Variants in VEGFB observed in about 807,000 individuals in gnomAD.
The protein encoded by VEGFB is VEGF-related factor.
In VEGFB, 24 loss-of-function variants were observed where a neutral mutation model predicts 22.5. The observed-to-expected ratio is 1.07, with a 90% CI of 0.77 to 1.50. VEGFB has a LOEUF of 1.50. VEGFB is among the 40% of genes most tolerant of loss of function. The pLI, the probability that VEGFB is intolerant of heterozygous loss-of-function variation, is 0.00. For missense variants in VEGFB, 327 were observed against 287.8 expected (o/e 1.14, Z -0.99); for synonymous variants, 141 against 117.4 (o/e 1.20, Z -1.30).
Position 64,238,360 on chromosome 11 carries a change from CG to C in VEGFB, c.*29del. 2 of 1,536,154 alleles carry C rather than the reference CG, an allele frequency of 1.3e-6. No individual in the cohort carries two copies. The highest frequency in any genetic ancestry group is 4.9e-5 in the East Asian group (2 of 41,050). ...GATCACTTCCTCCCTCCTCAGGTGC[CG>C]GAAGCTGCGAAGGTGACACATGGCT... On this transcript the variant is annotated 3_prime_UTR_variant, in exon 7 of 7. Coordinates refer to ENST00000309422, the MANE Select transcript of VEGFB (RefSeq NM_003377.5).
At chr11:64,236,363 C>T in intron 4 of VEGFB, 36 bp downstream of exon 4, 2 of 1,604,232 alleles carry the variant, frequency 1.2e-6, no homozygotes, top group South Asian at 2.2e-5. Context: ...CTCGCAGAGG[C>T]CAGGCTTGGG....
chr11:64,238,146 T>G (rs1407164695), intron 6 of VEGFB, among the ~76,000 whole-genome samples: 1 of 152,144 alleles, frequency 6.6e-6, no homozygotes, highest in African/African-American at 2.4e-5. Flanking sequence ...TGAAATCATA[T>G]GGGCAGGGCC....
Position 64,238,598 on chromosome 11 carries a change from G to A in VEGFB, c.*265G>A. ...AGTTGGAAGAGGAGACTGGGAGGCA[G>A]CAAGAGGGGTCACATACCAGCTCAG... is the stretch of plus-strand genomic sequence containing the variant. On this transcript the variant is annotated 3_prime_UTR_variant, in exon 7 of 7. Transcript: ENST00000309422. 1.6e-6 allele frequency: 1 copy of A among 609,166 alleles called. No homozygotes were observed. Among genetic ancestry groups the A allele is most frequent in the Non-Finnish European group, 2.9e-6 (1 of 345,174 alleles). 37.7% of individuals were successfully genotyped at this position (609,166 alleles called of 1,614,324 possible). A position where few individuals can be genotyped will look rare whatever the true frequency, so the allele number is the denominator to read the frequency against.
In VEGFB at chr11:64,236,339, G is replaced by A; in HGVS notation, c.374+12G>A. ...CAGTGTGAATGCAGGTGCCAGCCAG[G>A]CCCAACTTCTGAGCTCGCAGAGGCC... On this transcript the variant is annotated intron_variant, in intron 4 of 6. Transcript: ENST00000309422. 1 of 1,613,386 alleles carries A rather than the reference G, an allele frequency of 6.2e-7. No homozygotes were observed. Among genetic ancestry groups the A allele is most frequent in the African/African-American group, 1.3e-5 (1 of 75,024 alleles).
At chr11:64,235,540 G>A in intron 2 of VEGFB, 40 bp downstream of exon 2, 1 of 1,606,156 alleles carries the variant, frequency 6.2e-7, no homozygotes, top group South Asian at 1.1e-5. Flanking sequence ...AGCACTAAGA[G>A]GGTTTGTCAT....
chr11:64,235,869 G>C lies in VEGFB; in HGVS notation c.160G>C (p.Val54Leu). The part of the protein sequence containing the change: ...RATCQPREVV[V>L]PLTVELMGTV... The stretch of plus-strand genomic sequence containing the variant: ...TACCTGCCAGCCCCGGGAGGTGGTG[G>C]TGCCCTTGACTGTGGAGCTCATGGG... The change falls in exon 3 of 7, where the codon GTG becomes CTG. Residue 54 changes from valine to leucine, a missense_variant. Physicochemically the swap from Val to Leu is conservative, Grantham distance 32. Transcript: ENST00000309422. The C allele has an allele frequency of 1.2e-6, 2 of 1,614,004 alleles. No homozygotes were observed. The highest frequency in any genetic ancestry group is 1.3e-5 in the African/African-American group (1 of 75,066).
Position 64,237,581 on chromosome 11 carries a change from C to T in VEGFB, c.572C>T (p.Ala191Val). Reference sequence around the variant, plus strand: ...ACCAGCGCCCTGACCCCCGGACCTGCCGCTGCCGCTGCCGACGCCGCAGCT... The same window carrying T: ...ACCAGCGCCCTGACCCCCGGACCTGTCGCTGCCGCTGCCGACGCCGCAGCT... ...STTSALTPGPAAAAADAAASS... is the reference protein window; with the variant it reads ...STTSALTPGPVAAAADAAASS... Residue 191 changes from alanine (A) to valine (V), a missense_variant, in exon 6 of 7, where the codon GCC becomes GTC. Physicochemically the swap from Ala to Val is moderately conservative, Grantham distance 64 (BLOSUM62 0). Coordinates refer to ENST00000309422, the MANE Select transcript of VEGFB (RefSeq NM_003377.5). 1 of 1,593,466 alleles carries T rather than the reference C, an allele frequency of 6.3e-7. No individual in the cohort carries two copies. The highest frequency in any genetic ancestry group is 1.1e-5 in the South Asian group (1 of 90,162).
At position 64,234,716 on chromosome 11, in the gene VEGFB, G is replaced by A; in HGVS notation, c.-118G>A. 2 of 200,706 alleles carry A rather than the reference G, an allele frequency of 1.0e-5. No individual in the cohort carries two copies. Among genetic ancestry groups the A allele is most frequent in the Non-Finnish European group, 1.7e-5 (2 of 117,028 alleles). The allele number at this position is 200,706 out of a possible 1,614,324, so 12.4% of individuals were successfully genotyped here. A position where few individuals can be genotyped will look rare whatever the true frequency, so the allele number is the denominator to read the frequency against. On this transcript the variant is annotated 5_prime_UTR_variant, in exon 1 of 7. Transcript: ENST00000309422. This position sits in a 1 kb window ranked among gnomAD's most constrained non-coding sequence, Gnocchi z 5.3. ...GGGCCGCGGAGGAGTCGCCCCCCGC[G>A]CCCGGCCCCCGCCCGCCGCGCCCGG...
chr11:64,238,401 G>C lies in VEGFB; in HGVS notation c.*68G>C. On this transcript the variant is annotated 3_prime_UTR_variant, in exon 7 of 7. Transcript: ENST00000309422. Reference sequence around the variant, plus strand: ...GACACATGGCTTTTCAGACTCAGCAGGGTGACTTGCCTCAGAGGCTATATC... The same window carrying C: ...GACACATGGCTTTTCAGACTCAGCACGGTGACTTGCCTCAGAGGCTATATC... 6.5e-7 allele frequency: 1 copy of C among 1,536,152 alleles called. No individual in the cohort carries two copies. The highest frequency in any genetic ancestry group is 8.7e-7 in the Non-Finnish European group (1 of 1,146,866).
In VEGFB at chr11:64,235,920, A is replaced by G. The variant is rs757957905; in HGVS notation, c.211A>G (p.Ser71Gly). 3 of 1,613,596 alleles carry G rather than the reference A, an allele frequency of 1.9e-6. No individual in the cohort carries two copies. The highest frequency in any genetic ancestry group is 2.2e-5 in the South Asian group (2 of 91,072). ...CACCGTGGCCAAACAGCTGGTGCCC[A>G]GCTGCGTGACTGTGCAGCGCTGTGG... ...MGTVAKQLVP[S>G]CVTVQRCGGC... Residue 71 changes from serine (S) to glycine (G), a missense_variant, in exon 3 of 7, where the codon AGC becomes GGC. Ser to Gly is a moderately conservative substitution (Grantham distance 56). Transcript: ENST00000309422.
rs1038680499 is a variant in VEGFB at position 64,237,015 on chromosome 11, G to A, written c.375-172G>A. 4.2e-5 allele frequency: 20 copies of A among 479,728 alleles called. 1 individual carries two copies. The highest frequency in any genetic ancestry group is 2.3e-4 in the African/African-American group (12 of 52,852). 29.7% of individuals were successfully genotyped at this position (479,728 alleles called of 1,614,324 possible). On this transcript the variant is annotated intron_variant, in intron 4 of 6. Coordinates refer to ENST00000309422, the MANE Select transcript of VEGFB (RefSeq NM_003377.5). ...AGAGAATAGCTTGAACCTGGGAGGC[G>A]GAGGTTGCAGTGAGCCGAGACCACG...
Position 64,238,582 on chromosome 11 carries a change from A to G in VEGFB, c.*249A>G. The G allele has an allele frequency of 3.1e-6, 2 of 639,234 alleles. No homozygotes were observed. The allele number at this position is 639,234 out of a possible 1,614,324, so 39.6% of individuals were successfully genotyped here. ...TCATCAAACAGGACAGAGTTGGAAG[A>G]GGAGACTGGGAGGCAGCAAGAGGGG... is the stretch of plus-strand genomic sequence containing the variant. On this transcript the variant is annotated 3_prime_UTR_variant, in exon 7 of 7. Transcript: ENST00000309422.
chr11:64,234,787 GGCTA>G lies in VEGFB; in HGVS notation c.-45_-42del. 1 of 1,002,296 alleles carries G rather than the reference GGCTA, an allele frequency of 1.0e-6. No homozygotes were observed. Among genetic ancestry groups the G allele is most frequent in the Non-Finnish European group, 1.2e-6 (1 of 829,712 alleles). 62.1% of individuals were successfully genotyped at this position (1,002,296 alleles called of 1,614,324 possible). A position where few individuals can be genotyped will look rare whatever the true frequency, so the allele number is the denominator to read the frequency against. On this transcript the variant is annotated 5_prime_UTR_variant, in exon 1 of 7. The change abolishes the stop of an existing upstream ORF in the 5' untranslated region. Transcript: ENST00000309422. The surrounding 1 kb of genome is among the most constrained non-coding windows in gnomAD (Gnocchi z 5.3). Reference sequence around the variant, plus strand: ...GCTGTCGCCGCCCCCCGCGCCGCCGGGCTAGGGCGATGCGGGCGCCCCCGGCGGG... The same window carrying G: ...GCTGTCGCCGCCCCCCGCGCCGCCGGGGGCGATGCGGGCGCCCCCGGCGGG...
In VEGFB at chr11:64,234,996, G is replaced by A; in HGVS notation, c.60+103G>A. ...CGGCCTCGGCCGAGGGGATCTGCGG[G>A]GTCCGGCCTTGGACGCGGGCGTCTC... On this transcript the variant is annotated intron_variant, in intron 1 of 6. Transcript: ENST00000309422. The surrounding 1 kb of genome is among the most constrained non-coding windows in gnomAD (Gnocchi z 5.3). 1.9e-6 allele frequency: 2 copies of A among 1,026,384 alleles called. No homozygotes were observed. The highest frequency in any genetic ancestry group is 1.7e-5 in the African/African-American group (1 of 59,794). 63.6% of individuals were successfully genotyped at this position (1,026,384 alleles called of 1,614,324 possible).
At position 64,236,940 on chromosome 11, in the gene VEGFB, G is replaced by A. The variant is rs754507952; in HGVS notation, c.375-247G>A. 9.4e-5 allele frequency among the ~76,000 whole-genome samples: 14 copies of A among 148,210 alleles called. 1 individual carries two copies. Among genetic ancestry groups the A allele is most frequent in the Non-Finnish European group, 1.4e-4 (9 of 66,506 alleles). On this transcript the variant is annotated intron_variant, in intron 4 of 6. Transcript: ENST00000309422. ...CTAAAAAAAAATACAAAAATTAGCC[G>A]CGCATGGTGGCAGGTGCCTGTAATC...
At chr11:64,236,912 C>G (rs188741344) in intron 4 of VEGFB, among the ~76,000 whole-genome samples, 18 of 146,950 alleles carry the variant, frequency 1.2e-4, no homozygotes, top group East Asian at 8.1e-4. Context: ...AACCCCATCT[C>G]TACTAAAAAA....
intron 4 of VEGFB, 77 bp downstream of exon 4, chr11:64,236,404 G>T: frequency 3.5e-6 from 5 of 1,421,310 alleles, no homozygotes; most frequent in South Asian, 2.3e-5. Flanking sequence ...CACAGAACTG[G>T]GGACCAGGTT....
Position 64,237,188 on chromosome 11 carries a change from C to A in VEGFB, c.376C>A (p.Pro126Thr), listed in dbSNP as rs767610170. Reference protein sequence around the residue: ...LEEHSQCECRPKKKDSAVKPD... With the variant: ...LEEHSQCECRTKKKDSAVKPD... ...GTGTCTGTCTATCTTACTTTTCAGA[C>A]CTAAAAAAAAGGACAGTGCTGTGAA... is the stretch of plus-strand genomic sequence containing the variant. The change falls in exon 5 of 7, where the codon CCT (proline) becomes ACT (threonine). Residue 126 changes from proline (P) to threonine (T), a missense_variant and splice_region_variant. Transcript: ENST00000309422. 3.7e-6 allele frequency: 6 copies of A among 1,603,522 alleles called. No individual in the cohort carries two copies. In the Admixed American group the frequency reaches 8.4e-5, roughly 22 times the overall value.
intron 4 of VEGFB, 64 bp from the exon 5 acceptor site, chr11:64,237,123 G>GAGAGAGACA: frequency 1.5e-6 from 1 of 661,992 alleles, no homozygotes; most frequent in African/African-American, 2.6e-5. Flanking sequence ...GAGAGAGAGA[G>GAGAGAGACA]TAGGATGCTG....
Sources: gnomAD v4.1 joint callset for allele counts (sites outside exome capture counted in the v4.1 genomes callset) on GRCh38, gnomAD v4.1.1 for gene constraint, Gnocchi (gnomAD v3.1) non-coding constraint, MANE v1.5 for transcripts, NCBI Gene and HGNC (gene_info 2026-07-23, HGNC 2026-07-21) for gene names.